ARHGAP26: variants seen among roughly 807,000 people sequenced by gnomAD.
ARHGAP26 encodes the protein Rho GTPase activating protein 26.
Under a neutral mutation model 104.8 loss-of-function variants are expected in ARHGAP26, and 38 were observed. That is an observed-to-expected ratio of 0.36 (90% CI 0.28 to 0.48). The LOEUF is 0.48. Among genes scored for constraint, ARHGAP26 ranks in the 20% least tolerant of loss-of-function variants. ARHGAP26 has a pLI of 0.99. For synonymous variants in ARHGAP26, 341 were observed against 340.0 expected (o/e 1.00, Z -0.03); for missense variants, 704 against 947.9 (o/e 0.74, Z 3.38).
chr5:142,791,660 C>T (rs186990523), intron 1 of ARHGAP26, among the ~76,000 whole-genome samples: 25 of 152,162 alleles, frequency 1.6e-4, no homozygotes, highest in Non-Finnish European at 2.6e-4. Flanking sequence ...CCCTACCCCT[C>T]GCATTTAAAA....
intron 17 of ARHGAP26, among the ~76,000 whole-genome samples, chr5:143,075,675 T>A (rs1430210443): frequency 6.6e-6 from 1 of 152,190 alleles, no homozygotes; most frequent in Non-Finnish European, 1.5e-5. Context: ...TGTGCATTTT[T>A]AAAATTGTTA....
At chr5:142,839,804 GCTT>G (rs1770380732) in intron 1 of ARHGAP26, among the ~76,000 whole-genome samples, 1 of 150,950 alleles carries the variant, frequency 6.6e-6, no homozygotes, top group Admixed American at 6.6e-5. Context: ...GCTTGACTCA[GCTT>G]CTTCAAGTCC....
At chr5:142,921,962 G>A (rs1763254080) in intron 10 of ARHGAP26, 1 of 152,104 alleles carries the variant, frequency 6.6e-6, no homozygotes. Flanking sequence ...TGTCTTAATG[G>A]TGCTCCTTTT....
At chr5:142,811,552 G>C (rs1764076263) in intron 1 of ARHGAP26, among the ~76,000 whole-genome samples, 1 of 152,224 alleles carries the variant, frequency 6.6e-6, no homozygotes, top group South Asian at 2.1e-4. Flanking sequence ...CTGTGGGCCA[G>C]CCACTGTTCT....
Position 142,859,385 on chromosome 5 carries a change from G to GT in ARHGAP26, c.155-14013dup, listed in dbSNP as rs1375504881. Among the ~76,000 whole-genome samples the GT allele has an allele frequency of 8.5e-5, 13 of 152,182 alleles. 1 individual carries two copies. The highest frequency in any genetic ancestry group is 8.5e-4 in the Admixed American group (13 of 15,280). ...TTTTCAAAAAGCAGACATAAGTACT[G>GT]TTAAAAGCATTAAAATAGAAAGCTG... On this transcript the variant is annotated intron_variant, in intron 1 of 22. Coordinates refer to ENST00000645722, the MANE Select transcript of ARHGAP26 (RefSeq NM_001135608.3).
chr5:142,829,581 T>C (rs1405871329), intron 1 of ARHGAP26, among the ~76,000 whole-genome samples: 2 of 152,226 alleles, frequency 1.3e-5, no homozygotes, highest in African/African-American at 4.8e-5. Flanking sequence ...TGCAGTGTGA[T>C]ATAATTGGTA....
rs1562653922 is a variant in ARHGAP26 at position 143,228,306 on chromosome 5, C to T, written c.*5860C>T. ...TGAAGACATAGACACTTACAGAGAC[C>T]CACATGAGCTGGCACTTTCTGAGCC... On this transcript the variant is annotated 3_prime_UTR_variant, in exon 23 of 23. Transcript: ENST00000645722. 4.5e-6 allele frequency: 1 copy of T among 224,542 alleles called. No homozygotes were observed. Among genetic ancestry groups the T allele is most frequent in the South Asian group, 1.8e-4 (1 of 5,446 alleles). 13.9% of individuals were successfully genotyped at this position (224,542 alleles called of 1,614,324 possible).
At chr5:143,214,227 T>C (rs1350614475) in intron 22 of ARHGAP26, 139 bp downstream of exon 22, 2 of 581,682 alleles carry the variant, frequency 3.4e-6, no homozygotes, top group East Asian at 5.7e-5. Context: ...TGTGCGTCTG[T>C]GTGTGTTGGT....
intron 1 of ARHGAP26, among the ~76,000 whole-genome samples, chr5:142,777,171 T>A (rs1220201245): frequency 2.0e-5 from 3 of 152,252 alleles, no homozygotes; most frequent in African/African-American, 7.2e-5. Context: ...TTGCCCTCTT[T>A]TGGGGACTAT....
intron 11 of ARHGAP26, among the ~76,000 whole-genome samples, chr5:142,994,506 G>T (rs1776103091): frequency 6.6e-6 from 1 of 152,150 alleles, no homozygotes; most frequent in Non-Finnish European, 1.5e-5. Flanking sequence ...CACATGAAGG[G>T]TATGCAGTTT....
intron 11 of ARHGAP26, among the ~76,000 whole-genome samples, chr5:142,992,564 A>C (rs1775775733): frequency 2.0e-5 from 3 of 151,520 alleles, no homozygotes; most frequent in Non-Finnish European, 4.4e-5. Flanking sequence ...AGTAGCTGGG[A>C]CTACAGGTAC....
At chr5:142,921,926 G>A (rs914984644) in intron 10 of ARHGAP26, 1 of 152,124 alleles carries the variant, frequency 6.6e-6, no homozygotes, top group Admixed American at 6.5e-5. Flanking sequence ...CTTAGCTTTG[G>A]TGGATATTCC....
intron 11 of ARHGAP26, among the ~76,000 whole-genome samples, chr5:142,969,931 G>GTTCTTGATATTT (rs1292612372): frequency 6.6e-6 from 1 of 152,118 alleles, no homozygotes; most frequent in East Asian, 1.9e-4. Context: ...TGTTGTTGTT[G>GTTCTTGATATTT]TTCTTGATAT....
At chr5:143,078,407 T>C (rs1295748738) in intron 17 of ARHGAP26, among the ~76,000 whole-genome samples, 1 of 152,216 alleles carries the variant, frequency 6.6e-6, no homozygotes. Flanking sequence ...TTTGGTTTTT[T>C]ATTTTGGTCA....
intron 17 of ARHGAP26, among the ~76,000 whole-genome samples, chr5:143,093,783 ACT>A (rs1791846544): frequency 1.3e-5 from 2 of 151,492 alleles, no homozygotes; most frequent in Non-Finnish European, 2.9e-5. Flanking sequence ...GAGTGGAGCT[ACT>A]CTTTCTTCCT....
chr5:143,128,806 A>G (rs1268655047), intron 18 of ARHGAP26, among the ~76,000 whole-genome samples: 1 of 152,072 alleles, frequency 6.6e-6, no homozygotes, highest in East Asian at 1.9e-4. Flanking sequence ...TCTCGTATAA[A>G]CCTTTCTGTT....
chr5:143,049,835 G>A (rs764309429), intron 14 of ARHGAP26, among the ~76,000 whole-genome samples: 1 of 152,116 alleles, frequency 6.6e-6, no homozygotes, highest in Non-Finnish European at 1.5e-5. Flanking sequence ...GGGAGAAGCC[G>A]GATTTACTCC....
chr5:142,873,435 T>G lies in ARHGAP26; in HGVS notation c.190T>G (p.Leu64Val). The G allele has an allele frequency of 6.2e-7, 1 of 1,601,556 alleles. No homozygotes were observed. Among genetic ancestry groups the G allele is most frequent in the Non-Finnish European group, 8.5e-7 (1 of 1,176,812 alleles). The change falls in exon 2 of 23, where the codon TTA (leucine) becomes GTA (valine). Residue 64 changes from leucine to valine, a missense_variant. Leu to Val is a conservative substitution (Grantham distance 32). This residue lies in a region of ARHGAP26 where 77 missense variants were observed against 82.6 expected (regional missense o/e 0.93). Coordinates refer to ENST00000645722, the MANE Select transcript of ARHGAP26 (RefSeq NM_001135608.3). ...AGCGAAGCGGAAGTTTGCAGATTCC[T>G]TAAATGAATTTAAATTTCAGTGCAT... The part of the protein sequence containing the change: ...SSAKRKFADS[L>V]NEFKFQCIGD...
chr5:142,907,561 A>G, intron 8 of ARHGAP26, 143 bp from the exon 9 acceptor site: 3 of 420,166 alleles, frequency 7.1e-6, no homozygotes, highest in Non-Finnish European at 1.3e-5. Flanking sequence ...CATTCTAGCT[A>G]GTGTGGAGAA....
Sources: gnomAD v4.1 joint callset for allele counts (sites outside exome capture counted in the v4.1 genomes callset) on GRCh38, gnomAD v4.1.1 for gene constraint, gnomAD v4.1.1 regional missense constraint, MANE v1.5 for transcripts, NCBI Gene and HGNC (gene_info 2026-07-23, HGNC 2026-07-21) for gene names.